GRM7: variants seen among roughly 807,000 people sequenced by gnomAD.
GRM7 encodes the protein glutamate metabotropic receptor 7, also known as metabotropic glutamate receptor 7.
A neutral mutation model predicts 84.5 loss-of-function variants in GRM7; 35 were observed. The observed-to-expected ratio is 0.41, with a 90% CI of 0.32 to 0.55. The LOEUF is 0.55. GRM7 is among the 20% of genes least tolerant of loss of function. GRM7 has a pLI of 0.19. For synonymous variants in GRM7, 487 were observed against 455.1 expected (o/e 1.07, Z -0.89); for missense variants, 1,003 against 1,194.6 (o/e 0.84, Z 2.36).
At chr3:7,570,164 T>C (rs940347323) in intron 7 of GRM7, among the ~76,000 whole-genome samples, 3 of 152,076 alleles carry the variant, frequency 2.0e-5, no homozygotes. Context: ...GAGATTTGGG[T>C]GGGGATACAG....
intron 2 of GRM7, among the ~76,000 whole-genome samples, chr3:7,155,553 A>G (rs960943377): frequency 6.6e-6 from 1 of 152,124 alleles, no homozygotes; most frequent in Non-Finnish European, 1.5e-5. Flanking sequence ...AAATTAATAA[A>G]TGGTTGCTTG....
chr3:7,099,970 A>G (rs1699053621), intron 1 of GRM7, among the ~76,000 whole-genome samples: 1 of 147,894 alleles, frequency 6.8e-6, no homozygotes, highest in Non-Finnish European at 1.5e-5. Flanking sequence ...TATATTATAC[A>G]TATATAATTG....
At chr3:7,566,643 T>C (rs567964277) in intron 7 of GRM7, among the ~76,000 whole-genome samples, 1 of 134,068 alleles carries the variant, frequency 7.5e-6, no homozygotes, top group South Asian at 2.4e-4. Context: ...AAATGGATAA[T>C]TTGTGACACT....
At chr3:7,445,141 G>T (rs1697452095) in intron 5 of GRM7, among the ~76,000 whole-genome samples, 1 of 152,070 alleles carries the variant, frequency 6.6e-6, no homozygotes, top group South Asian at 2.1e-4. Flanking sequence ...TTTCCTCCTT[G>T]CAGGAAATTC....
chr3:7,005,114 G>A (rs995054943), intron 1 of GRM7, among the ~76,000 whole-genome samples: 2 of 152,214 alleles, frequency 1.3e-5, no homozygotes, highest in African/African-American at 4.8e-5. Flanking sequence ...CCAGATGGCA[G>A]TTCTTGTCTT....
chr3:7,112,181 G>A (rs1692876164), intron 1 of GRM7, among the ~76,000 whole-genome samples: 1 of 151,750 alleles, frequency 6.6e-6, no homozygotes, highest in Non-Finnish European at 1.5e-5. Context: ...TATGAGAGAG[G>A]GTATGTTTTT....
intron 8 of GRM7, among the ~76,000 whole-genome samples, chr3:7,610,125 G>A (rs760915101): frequency 4.6e-4 from 70 of 152,162 alleles, no homozygotes; most frequent in Non-Finnish European, 8.5e-4. Flanking sequence ...AAGGTAGGGC[G>A]CTTGGAAGAA....
chr3:7,267,979 G>C (rs1245209024), intron 2 of GRM7, among the ~76,000 whole-genome samples: 1 of 152,004 alleles, frequency 6.6e-6, no homozygotes, highest in East Asian at 1.9e-4. Context: ...CCGTTAGAAA[G>C]AAACGCACCT....
In GRM7 at chr3:7,711,774, T is replaced by C. The variant is rs575101459; in HGVS notation, c.2699-28583T>C. Among the ~76,000 whole-genome samples, 323 of 152,274 alleles carry C rather than the reference T, an allele frequency of 2.1e-3. 1 individual carries two copies. The highest frequency in any genetic ancestry group is 6.8e-3 in the Middle Eastern group (2 of 294). Reference sequence around the variant, plus strand: ...TTGGCGCCTTTCAAAGATCAGCTCCTTCCAAAGGGGAAATGTCTGTGAAGA... The same window carrying C: ...TTGGCGCCTTTCAAAGATCAGCTCCCTCCAAAGGGGAAATGTCTGTGAAGA... On this transcript the variant is annotated intron_variant, in intron 9 of 9. Transcript: ENST00000357716.
chr3:7,582,341 C>T (rs983525335), intron 8 of GRM7, among the ~76,000 whole-genome samples: 2 of 152,078 alleles, frequency 1.3e-5, no homozygotes, highest in South Asian at 2.1e-4. Context: ...GCTTTGTAGC[C>T]AGTTATTGCC....
chr3:7,166,337 T>C (rs770737560), intron 2 of GRM7, among the ~76,000 whole-genome samples: 1 of 152,238 alleles, frequency 6.6e-6, no homozygotes, highest in South Asian at 2.1e-4. Flanking sequence ...ATATACCAAA[T>C]TTAGCCAATA....
At chr3:7,043,836 C>T (rs886795482) in intron 1 of GRM7, among the ~76,000 whole-genome samples, 7 of 152,162 alleles carry the variant, frequency 4.6e-5, no homozygotes, top group South Asian at 2.1e-4. Context: ...CAAGCCTTGA[C>T]TTCCTACCCA....
At chr3:6,978,355 C>A (rs1419237968) in intron 1 of GRM7, among the ~76,000 whole-genome samples, 1 of 152,088 alleles carries the variant, frequency 6.6e-6, no homozygotes, top group East Asian at 1.9e-4. Context: ...TTATAAACTT[C>A]TAGCTTTTAG....
intron 7 of GRM7, among the ~76,000 whole-genome samples, chr3:7,572,826 ATATATATATATATATATATATATATAT>A (rs1559411743): frequency 0.23 from 14,200 of 62,504 alleles, 2,715 homozygotes; most frequent in African/African-American, 0.25. Context: ...TATCTCAAAT[ATATATATATATATATATATATATATAT>A]ATATATATAT....
chr3:7,335,107 A>T (rs1449136875), intron 4 of GRM7, among the ~76,000 whole-genome samples: 1 of 152,180 alleles, frequency 6.6e-6, no homozygotes, highest in Admixed American at 6.6e-5. Context: ...ACTATAGAAT[A>T]TACATTCTTT....
intron 1 of GRM7, among the ~76,000 whole-genome samples, chr3:7,131,887 C>G (rs1400913512): frequency 3.9e-5 from 6 of 152,116 alleles, no homozygotes; most frequent in African/African-American, 1.4e-4. Flanking sequence ...ATCACCTTGC[C>G]ACATCATTTT....
chr3:6,913,213 T>G (rs1696831589), intron 1 of GRM7, among the ~76,000 whole-genome samples: 1 of 152,210 alleles, frequency 6.6e-6, no homozygotes, highest in Non-Finnish European at 1.5e-5. Flanking sequence ...CTTCGTGTAT[T>G]TATTCTGGAA....
chr3:7,579,446 A>T, intron 8 of GRM7, 89 bp downstream of exon 8: 1 of 723,156 alleles, frequency 1.4e-6, no homozygotes, highest in Non-Finnish European at 2.3e-6. Flanking sequence ...TAAAGTAAGA[A>T]GTTTCGTATA....
At chr3:6,947,601 A>G (rs1478212971) in intron 1 of GRM7, among the ~76,000 whole-genome samples, 1 of 152,072 alleles carries the variant, frequency 6.6e-6, no homozygotes, top group East Asian at 1.9e-4. Flanking sequence ...CTCTTTTTCT[A>G]TTGATTGGAA....
Sources: allele counts gnomAD v4.1 joint callset (sites outside exome capture counted in the v4.1 genomes callset), GRCh38; gene constraint gnomAD v4.1.1; transcripts MANE v1.5; gene names NCBI Gene and HGNC (gene_info 2026-07-23, HGNC 2026-07-21).